The following TEK variants were observed in gnomAD, a reference collection of about 807,000 sequenced individuals.
TEK encodes the protein TEK receptor tyrosine kinase, also known as angiopoietin-1 receptor.
In TEK, 43 loss-of-function variants were observed where a neutral mutation model predicts 131.8. That is an observed-to-expected ratio of 0.33 (90% CI 0.26 to 0.42). TEK has a LOEUF of 0.42. Among genes scored for constraint, TEK ranks in the 10% least tolerant of loss-of-function variants. TEK has a pLI of 1.00. For missense variants in TEK, 1,162 were observed against 1,384.4 expected, an observed-to-expected ratio of 0.84 and a Z score of 2.55; for synonymous variants, 580 against 491.6, an observed-to-expected ratio of 1.18 and a Z score of -2.38.
chr9:27,183,574 A>G lies in TEK; in HGVS notation c.1146A>G (p.Glu382=), dbSNP rs146464819. ...ASGWPLPTNE[E]MTLVKPDGTV... Reference sequence around the variant, plus strand: ...GCTGGCCGCTACCTACTAATGAAGAAATGACCCTGGTGAAGCCGGATGGGA... The same window carrying G: ...GCTGGCCGCTACCTACTAATGAAGAGATGACCCTGGTGAAGCCGGATGGGA... The change falls in exon 8 of 23, where the codon GAA becomes GAG. Residue 382 remains glutamate, a synonymous_variant. Coordinates refer to ENST00000380036, the MANE Select transcript of TEK (RefSeq NM_000459.5). 38 of 1,613,812 alleles carry G rather than the reference A, an allele frequency of 2.4e-5. No homozygotes were observed. The Admixed American group carries it at 4.5e-4, about 19-fold the overall frequency.
intron 11 of TEK, among the ~76,000 whole-genome samples, chr9:27,195,420 G>A (rs375780449): frequency 3.1e-3 from 478 of 152,190 alleles, no homozygotes; most frequent in Non-Finnish European, 5.5e-3. Context: ...CCTGCCTCCC[G>A]TGAAATTTTA....
At chr9:27,128,506 C>G (rs1249739450) in intron 1 of TEK, among the ~76,000 whole-genome samples, 1 of 152,102 alleles carries the variant, frequency 6.6e-6, no homozygotes, top group Non-Finnish European at 1.5e-5. Context: ...TTATCTAATT[C>G]TGTGAAGAAA....
chr9:27,229,037 C>G, intron 22 of TEK, 121 bp from the exon 23 acceptor site: 4 of 824,534 alleles, frequency 4.9e-6, no homozygotes, highest in Admixed American at 3.5e-5. Context: ...AGAAAAGTAT[C>G]CCCCAAGTGC....
intron 1 of TEK, among the ~76,000 whole-genome samples, chr9:27,152,868 CTTAG>C (rs1196492801): frequency 3.9e-5 from 6 of 152,046 alleles, no homozygotes; most frequent in African/African-American, 1.4e-4. Flanking sequence ...ATTCCCATGT[CTTAG>C]TTAATGGCTC....
Position 27,212,859 on chromosome 9 carries a change from G to T in TEK, c.2839G>T (p.Asp947Tyr). 6.2e-7 allele frequency: 1 copy of T among 1,614,110 alleles called. No individual in the cohort carries two copies. The highest frequency in any genetic ancestry group is 8.5e-7 in the Non-Finnish European group (1 of 1,180,014). ...CCAGCAGCTCCTTCACTTCGCTGCC[G>T]ACGTGGCCCGGGGCATGGACTACTT... ...SSQQLLHFAA[D>Y]VARGMDYLSQ... Residue 947 changes from aspartate to tyrosine, a missense_variant, in exon 17 of 23, where the codon GAC (aspartate) becomes TAC (tyrosine). Asp to Tyr is a radical substitution (Grantham distance 160). Coordinates refer to ENST00000380036, the MANE Select transcript of TEK (RefSeq NM_000459.5).
chr9:27,226,245 G>A (rs12349937), intron 21 of TEK, among the ~76,000 whole-genome samples: 5 of 152,150 alleles, frequency 3.3e-5, no homozygotes, highest in Admixed American at 6.5e-5. Flanking sequence ...ATACCCACAG[G>A]ATTATAAATC....
chr9:27,210,114 A>G lies in TEK; in HGVS notation c.2686+883A>G, dbSNP rs149503998. ...ACTAAAAATACTGGTGCTTCAAACAATTTATCATTCTATGATCCAATAAGG... is the reference window on the plus strand; with the variant it reads ...ACTAAAAATACTGGTGCTTCAAACAGTTTATCATTCTATGATCCAATAAGG... On this transcript the variant is annotated intron_variant, in intron 16 of 22. Coordinates refer to ENST00000380036, the MANE Select transcript of TEK (RefSeq NM_000459.5). Among the ~76,000 whole-genome samples the G allele has an allele frequency of 3.1e-3, 475 of 152,356 alleles. 2 individuals are homozygous for G. The highest frequency in any genetic ancestry group is 0.011 in the African/African-American group (456 of 41,580).
Position 27,228,244 on chromosome 9 carries a change from A to C in TEK, c.3239A>C (p.Tyr1080Ser), listed in dbSNP as rs775161615. 12 of 1,613,162 alleles carry C rather than the reference A, an allele frequency of 7.4e-6. No individual in the cohort carries two copies. The highest frequency in any genetic ancestry group is 1.0e-5 in the Non-Finnish European group (12 of 1,179,290). ...AGACAATGCTGGCGGGAGAAGCCTTATGAGAGGCCATCATTTGCCCAGATA... is the reference window on the plus strand; with the variant it reads ...AGACAATGCTGGCGGGAGAAGCCTTCTGAGAGGCCATCATTTGCCCAGATA... The part of the protein sequence containing the change: ...LMRQCWREKP[Y>S]ERPSFAQILV... Residue 1080 changes from tyrosine (Y) to serine (S), a missense_variant, in exon 22 of 23, where the codon TAT (tyrosine) becomes TCT (serine). Physicochemically the swap from Tyr to Ser is moderately radical, Grantham distance 144. Transcript: ENST00000380036.
intron 1 of TEK, among the ~76,000 whole-genome samples, chr9:27,140,993 C>G (rs902336699): frequency 1.3e-5 from 2 of 151,610 alleles, no homozygotes; most frequent in Non-Finnish European, 2.9e-5. Flanking sequence ...TTAATTTATT[C>G]GTTAAGTTCT....
Position 27,228,149 on chromosome 9 carries a change from G to A in TEK, c.3201-57G>A, listed in dbSNP as rs542560078. The A allele has an allele frequency of 9.6e-5, 137 of 1,425,654 alleles. No individual in the cohort carries two copies. In the East Asian group the frequency reaches 1.9e-3, roughly 19 times the overall value. The allele number at this position is 1,425,654 out of a possible 1,614,324, so 88.3% of individuals were successfully genotyped here. On this transcript the variant is annotated intron_variant, in intron 21 of 22. Coordinates refer to ENST00000380036, the MANE Select transcript of TEK (RefSeq NM_000459.5). ...TCATTCTCTCCTCTCTTTTCCTGCC[G>A]TGCCTAGGACTGAAGCACAGTTATA...
chr9:27,151,798 AG>A (rs1823137161), intron 1 of TEK, among the ~76,000 whole-genome samples: 3 of 152,358 alleles, frequency 2.0e-5, no homozygotes, highest in Middle Eastern at 3.4e-3. Context: ...CTGCGTGGTA[AG>A]TGAATGAATG....
intron 2 of TEK, among the ~76,000 whole-genome samples, chr9:27,159,967 G>A (rs1364712814): frequency 6.7e-6 from 1 of 148,788 alleles, no homozygotes; most frequent in Non-Finnish European, 1.5e-5. Flanking sequence ...GTGGACTGAG[G>A]ACTTGTCATT....
chr9:27,211,197 A>ATATATGAATATATATGTG (rs1441761554), intron 16 of TEK, among the ~76,000 whole-genome samples: 1 of 147,178 alleles, frequency 6.8e-6, no homozygotes, highest in East Asian at 1.9e-4. Context: ...ATATATGTAT[A>ATATATGAATATATATGTG]TATATGAATA....
rs191867650 is a variant in TEK, at chr9:27,212,657, A to T, written c.2687-50A>T. Reference sequence around the variant, plus strand: ...TTCCACAGCACATCTCTTAAATGTCATAGCTGTTCAGGGCCACTGATGAGT... The same window carrying T: ...TTCCACAGCACATCTCTTAAATGTCTTAGCTGTTCAGGGCCACTGATGAGT... On this transcript the variant is annotated intron_variant, in intron 16 of 22. Coordinates refer to ENST00000380036, the MANE Select transcript of TEK (RefSeq NM_000459.5). 163 of 1,597,286 alleles carry T rather than the reference A, an allele frequency of 1.0e-4. 1 individual carries two copies. The Admixed American group carries it at 2.7e-3, about 27-fold the overall frequency.
intron 4 of TEK, among the ~76,000 whole-genome samples, chr9:27,170,863 G>A (rs189589387): frequency 1.6e-3 from 246 of 152,252 alleles, no homozygotes; most frequent in African/African-American, 5.8e-3. Context: ...GTGGAGTCAC[G>A]TACTACACGT....
intron 2 of TEK, among the ~76,000 whole-genome samples, chr9:27,166,755 G>A (rs1382565428): frequency 6.6e-6 from 1 of 152,146 alleles, no homozygotes; most frequent in East Asian, 1.9e-4. Flanking sequence ...AGTTTTATGT[G>A]TGTGTGTGTT....
chr9:27,149,500 A>G (rs562420374), intron 1 of TEK, among the ~76,000 whole-genome samples: 1 of 152,238 alleles, frequency 6.6e-6, no homozygotes, highest in Admixed American at 6.5e-5. Flanking sequence ...TCTCAGGCCT[A>G]CTAGGAAGGC....
intron 1 of TEK, among the ~76,000 whole-genome samples, chr9:27,120,475 G>A (rs1821744195): frequency 1.3e-5 from 2 of 152,272 alleles, no homozygotes; most frequent in Admixed American, 1.3e-4. Context: ...CATATGTGCA[G>A]GTGGATTATG....
chr9:27,113,151 T>C lies in TEK; in HGVS notation c.52+3509T>C, dbSNP rs74670336. ...ATGGATTACAAAGTCAAAGCCCAAC[T>C]TGGATAACCATAAGCAAGTTATTTA... On this transcript the variant is annotated intron_variant, in intron 1 of 22. Transcript: ENST00000380036. Among the ~76,000 whole-genome samples, 118 of 152,352 alleles carry C rather than the reference T, an allele frequency of 7.7e-4. No individual in the cohort carries two copies. The East Asian group carries it at 0.01, about 13-fold the overall frequency.
Sources: gnomAD v4.1 joint callset for allele counts (sites outside exome capture counted in the v4.1 genomes callset) on GRCh38, gnomAD v4.1.1 for gene constraint, MANE v1.5 for transcripts, NCBI Gene and HGNC (gene_info 2026-07-23, HGNC 2026-07-21) for gene names.